Variants in CDC14A observed in about 807,000 individuals in gnomAD.
CDC14A encodes the protein dual specificity protein phosphatase CDC14A.
A neutral mutation model predicts 74.4 loss-of-function variants in CDC14A; 53 were observed. The observed-to-expected ratio is 0.71, with a 90% CI of 0.57 to 0.89. CDC14A has a LOEUF of 0.89. Ranked by LOEUF, CDC14A falls within the 40% of genes least tolerant of loss-of-function variation. CDC14A has a pLI of 0.00. For synonymous variants in CDC14A, 247 were observed against 258.4 expected (o/e 0.96, Z 0.43); for missense variants, 646 against 713.7 (o/e 0.91, Z 1.08).
chr1:100,345,744 C>G (rs1054465082), intron 1 of CDC14A, among the ~76,000 whole-genome samples: 37 of 152,124 alleles, frequency 2.4e-4, no homozygotes, highest in African/African-American at 8.7e-4. Flanking sequence ...GATAGGCAAC[C>G]AATGTAAGAA....
At chr1:100,377,714 A>G (rs1655484763) in intron 3 of CDC14A, 93 bp downstream of exon 3, 2 of 872,286 alleles carry the variant, frequency 2.3e-6, no homozygotes, top group South Asian at 1.6e-5. Flanking sequence ...ACATTTAGTC[A>G]GGTGATCTTG....
intron 4 of CDC14A, among the ~76,000 whole-genome samples, chr1:100,405,492 A>G (rs769975834): frequency 2.0e-5 from 3 of 152,216 alleles, no homozygotes; most frequent in Admixed American, 6.5e-5. Context: ...CCCATCACCC[A>G]GGTATTAAGC....
intron 4 of CDC14A, chr1:100,393,135 A>T: frequency 6.7e-7 from 1 of 1,496,232 alleles, no homozygotes. Context: ...CAGTCTCATA[A>T]TTCTTACTAC....
intron 5 of CDC14A, among the ~76,000 whole-genome samples, chr1:100,431,529 G>A (rs1260139746): frequency 6.6e-6 from 1 of 152,026 alleles, no homozygotes; most frequent in Non-Finnish European, 1.5e-5. Context: ...AAACCAATTT[G>A]CCATTATTTT....
chr1:100,407,708 G>T (rs186006548), intron 4 of CDC14A, among the ~76,000 whole-genome samples: 2 of 151,936 alleles, frequency 1.3e-5, no homozygotes, highest in Non-Finnish European at 2.9e-5. Flanking sequence ...TCTCTTGTCT[G>T]ATGGCCTTGG....
intron 5 of CDC14A, among the ~76,000 whole-genome samples, chr1:100,437,607 C>T (rs914104221): frequency 6.6e-6 from 1 of 152,184 alleles, no homozygotes; most frequent in African/African-American, 2.4e-5. Flanking sequence ...TGTCGGATGG[C>T]ATGTTAACTT....
At chr1:100,428,641 G>C (rs1375368270) in intron 5 of CDC14A, among the ~76,000 whole-genome samples, 1 of 152,220 alleles carries the variant, frequency 6.6e-6, no homozygotes, top group Non-Finnish European at 1.5e-5. Flanking sequence ...GTGACCCTTA[G>C]TGGAATGTCC....
intron 4 of CDC14A, among the ~76,000 whole-genome samples, chr1:100,412,700 A>T (rs1380803185): frequency 4.3e-5 from 4 of 92,726 alleles, no homozygotes; most frequent in African/African-American, 7.9e-5. Context: ...TATGTTTTAT[A>T]TATATATATA....
chr1:100,502,109 AATTG>A (rs1407007793), intron 15 of CDC14A, among the ~76,000 whole-genome samples: 4 of 152,190 alleles, frequency 2.6e-5, no homozygotes, highest in South Asian at 2.1e-4. Flanking sequence ...AGCTAAGGTT[AATTG>A]ATTATTCATG....
At chr1:100,424,671 G>C (rs1662744824) in intron 5 of CDC14A, among the ~76,000 whole-genome samples, 9 of 152,030 alleles carry the variant, frequency 5.9e-5, no homozygotes, top group Admixed American at 5.9e-4. Context: ...ATTGAGCTCT[G>C]GTCACATGTC....
chr1:100,488,911 T>C (rs1008049704), intron 11 of CDC14A, among the ~76,000 whole-genome samples: 24 of 152,042 alleles, frequency 1.6e-4, no homozygotes, highest in Non-Finnish European at 1.6e-4. Flanking sequence ...CCACCAGAGG[T>C]TATTAAGCAG....
intron 5 of CDC14A, among the ~76,000 whole-genome samples, chr1:100,434,740 T>A (rs1267757926): frequency 6.6e-6 from 1 of 152,164 alleles, no homozygotes; most frequent in Non-Finnish European, 1.5e-5. Context: ...CAGTTGTTTT[T>A]TTTTGGAGTG....
In CDC14A at chr1:100,463,869, TTCCTCATGTGCAGCTCCTCC is replaced by T. The variant is rs1179294754; in HGVS notation, c.838+990_838+1009del. Among the ~76,000 whole-genome samples, 23 of 152,178 alleles carry T rather than the reference TTCCTCATGTGCAGCTCCTCC, an allele frequency of 1.5e-4. 1 individual carries two copies. The highest frequency in any genetic ancestry group is 2.9e-5 in the Non-Finnish European group (2 of 68,010). On this transcript the variant is annotated intron_variant, in intron 9 of 15. Transcript: ENST00000336454. ...GGCCGCCCTGGGCTGGAGCCTCGAG[TTCCTCATGTGCAGCTCCTCC>T]TAGTGTCGCTGGGTGGTGCTGTGCT... is the stretch of plus-strand genomic sequence containing the variant.
upstream of CDC14A, chr1:100,351,693 T>G: frequency 1.3e-6 from 2 of 1,492,090 alleles, no homozygotes; most frequent in Non-Finnish European, 1.8e-6. Context: ...ACTGTAAAGA[T>G]TAGGCATCTG....
intron 15 of CDC14A, among the ~76,000 whole-genome samples, chr1:100,512,315 T>C (rs1368682932): frequency 2.0e-5 from 3 of 152,146 alleles, no homozygotes; most frequent in Non-Finnish European, 4.4e-5. Context: ...TAAATACTTA[T>C]TGAACTAAAA....
chr1:100,472,701 A>G (rs991739333), intron 10 of CDC14A, among the ~76,000 whole-genome samples: 2 of 151,848 alleles, frequency 1.3e-5, no homozygotes, highest in African/African-American at 2.4e-5. Flanking sequence ...TTACATTCAC[A>G]TTTAAGTCTG....
intron 2 of CDC14A, among the ~76,000 whole-genome samples, chr1:100,366,628 A>C (rs919320281): frequency 6.6e-6 from 1 of 152,110 alleles, no homozygotes; most frequent in Non-Finnish European, 1.5e-5. Context: ...ACCCTTGTGA[A>C]TGTTTGCTCT....
intron 9 of CDC14A, among the ~76,000 whole-genome samples, chr1:100,467,630 A>G (rs546962159): frequency 3.1e-4 from 47 of 151,000 alleles, no homozygotes; most frequent in Middle Eastern, 3.4e-3. Context: ...CCCCCCAGCC[A>G]CCCTTGCTTC....
At chr1:100,441,738 T>G (rs1448476035) in intron 6 of CDC14A, among the ~76,000 whole-genome samples, 1 of 152,122 alleles carries the variant, frequency 6.6e-6, no homozygotes, top group Non-Finnish European at 1.5e-5. Flanking sequence ...TATCAGAATT[T>G]TGCATTTCTA....
Sources: gnomAD v4.1 joint callset for allele counts (sites outside exome capture counted in the v4.1 genomes callset) on GRCh38, gnomAD v4.1.1 for gene constraint, MANE v1.5 for transcripts, NCBI Gene and HGNC (gene_info 2026-07-23, HGNC 2026-07-21) for gene names.